UBA6: variants seen among roughly 807,000 people sequenced by gnomAD.
The protein encoded by UBA6 is ubiquitin-like modifier-activating enzyme 6.
Under a neutral mutation model 148.3 loss-of-function variants are expected in UBA6, and 87 were observed. That is an observed-to-expected ratio of 0.59 (90% CI 0.49 to 0.70). The LOEUF (loss-of-function observed/expected upper bound fraction) is 0.70. UBA6 is among the 30% of genes least tolerant of loss of function. The probability of loss-of-function intolerance (pLI) is 0.00; values close to 1 mark genes in which losing one functional copy is unlikely to be tolerated. For missense variants in UBA6, 1,186 were observed against 1,241.2 expected (o/e 0.96, Z 0.67); for synonymous variants, 376 against 401.0 (o/e 0.94, Z 0.75).
chr4:67,619,897 T>TC (rs1337439633), intron 32 of UBA6, among the ~76,000 whole-genome samples: 2 of 152,082 alleles, frequency 1.3e-5, no homozygotes, highest in Admixed American at 1.3e-4. Context: ...TAGCTAGCTT[T>TC]CTCTAGTCTC....
intron 2 of UBA6, among the ~76,000 whole-genome samples, chr4:67,685,631 T>G (rs994787703): frequency 6.6e-6 from 1 of 152,212 alleles, no homozygotes. Context: ...TAAACCCCGT[T>G]ACGTAGGACC....
chr4:67,678,977 AT>A (rs1308169304), intron 4 of UBA6, among the ~76,000 whole-genome samples: 1 of 152,174 alleles, frequency 6.6e-6, no homozygotes, highest in Non-Finnish European at 1.5e-5. Flanking sequence ...ATAGCACACT[AT>A]TTGTAAGAGC....
chr4:67,644,912 C>T, intron 16 of UBA6, 134 bp from the exon 17 acceptor site: 1 of 518,446 alleles, frequency 1.9e-6, no homozygotes. Flanking sequence ...TAAGGAAAAG[C>T]ATAATTGTAC....
At chr4:67,666,255 T>C (rs1175816755) in intron 9 of UBA6, among the ~76,000 whole-genome samples, 3 of 152,024 alleles carry the variant, frequency 2.0e-5, no homozygotes, top group Admixed American at 6.6e-5. Flanking sequence ...TAGGTAGCTA[T>C]AAAAGAAAAT....
intron 14 of UBA6, among the ~76,000 whole-genome samples, chr4:67,648,254 G>C (rs1305532174): frequency 2.0e-5 from 3 of 151,454 alleles, no homozygotes; most frequent in African/African-American, 7.3e-5. Context: ...GGATCACGAA[G>C]TCAGGAGTTT....
chr4:67,685,633 C>CGTAG (rs1189889943), intron 2 of UBA6, among the ~76,000 whole-genome samples: 1 of 152,142 alleles, frequency 6.6e-6, no homozygotes, highest in Non-Finnish European at 1.5e-5. Context: ...AACCCCGTTA[C>CGTAG]GTAGGACCTA....
At chr4:67,620,622 T>C (rs189111159) in intron 32 of UBA6, among the ~76,000 whole-genome samples, 3 of 152,232 alleles carry the variant, frequency 2.0e-5, no homozygotes, top group Admixed American at 2.0e-4. Context: ...GGGAAGGAAC[T>C]TAGAAGGATA....
At chr4:67,625,307 G>A in intron 28 of UBA6, 120 bp from the exon 29 acceptor site, 4 of 740,880 alleles carry the variant, frequency 5.4e-6, no homozygotes, top group South Asian at 4.0e-5. Context: ...TAATGACTGA[G>A]AAACATAAGA....
chr4:67,677,577 G>T, intron 6 of UBA6, 34 bp downstream of exon 6: 1 of 1,142,586 alleles, frequency 8.8e-7, no homozygotes, highest in Non-Finnish European at 1.3e-6. Context: ...CCTGGAACCT[G>T]TCAATAACAT....
At chr4:67,696,619 A>G in intron 2 of UBA6, 26 bp downstream of exon 2, 1 of 1,560,726 alleles carries the variant, frequency 6.4e-7, no homozygotes, top group Non-Finnish European at 8.7e-7. Context: ...GGGGAAAATA[A>G]GTTTCAGTTT....
intron 13 of UBA6, among the ~76,000 whole-genome samples, chr4:67,656,942 G>A (rs1370307522): frequency 2.0e-5 from 3 of 152,098 alleles, no homozygotes; most frequent in Non-Finnish European, 1.5e-5. Context: ...TTGCTACAAA[G>A]AGAATAAAAT....
At chr4:67,694,283 C>CAAA (rs771497060) in intron 2 of UBA6, among the ~76,000 whole-genome samples, 21,658 of 125,132 alleles carry the variant, frequency 0.17, 2,120 homozygotes, top group Middle Eastern at 0.25. Context: ...GATTCAGTCA[C>CAAA]TATAAAAAAA....
chr4:67,636,405 C>A (rs895044811), intron 19 of UBA6, among the ~76,000 whole-genome samples: 1 of 152,168 alleles, frequency 6.6e-6, no homozygotes, highest in Non-Finnish European at 1.5e-5. Context: ...CACGGTCTCC[C>A]TCTCCCTCTC....
intron 19 of UBA6, among the ~76,000 whole-genome samples, chr4:67,637,067 G>A (rs1480901106): frequency 2.0e-5 from 3 of 146,742 alleles, no homozygotes; most frequent in South Asian, 4.5e-4. Context: ...GGTGAGGAGC[G>A]TCTCTGCCCT....
intron 13 of UBA6, among the ~76,000 whole-genome samples, chr4:67,649,596 A>T (rs1729504705): frequency 1.3e-5 from 2 of 152,194 alleles, no homozygotes; most frequent in African/African-American, 2.4e-5. Context: ...ACTATGAAAA[A>T]ACCCTGAACT....
In UBA6 at chr4:67,640,503, G is replaced by C. The variant is rs1319316933; in HGVS notation, c.1554+648C>G. 1.1e-4 allele frequency among the ~76,000 whole-genome samples: 16 copies of C among 152,112 alleles called. 1 individual carries two copies. Among genetic ancestry groups the C allele is most frequent in the South Asian group, 2.1e-4 (1 of 4,818 alleles). ...TAAAACTTTTTTTTAGGGTAGAACT[G>C]GTTTTTCCCTAGGTTGCCCAGGCTG... On this transcript the variant is annotated intron_variant, in intron 18 of 32. Transcript: ENST00000322244.
In UBA6 at chr4:67,630,454, A is replaced by C. The variant is rs1234489379; in HGVS notation, c.2328+12T>G. The C allele has an allele frequency of 6.4e-7, 1 of 1,570,300 alleles. No homozygotes were observed. Among genetic ancestry groups the C allele is most frequent in the Non-Finnish European group, 8.7e-7 (1 of 1,155,976 alleles). On this transcript the variant is annotated intron_variant, in intron 26 of 32. Coordinates refer to ENST00000322244, the MANE Select transcript of UBA6 (RefSeq NM_018227.6). ...TTTTGCATCACTTGCTAAGGCTTAA[A>C]GAATATCTTACCTCTTCTGCAAATG... is the stretch of plus-strand genomic sequence containing the variant.
chr4:67,670,538 C>T lies in UBA6; in HGVS notation c.601G>A (p.Asp201Asn), dbSNP rs373643001. The change falls in exon 8 of 33, where the codon GAT (aspartate) becomes AAT (asparagine). Residue 201 changes from aspartate to asparagine, a missense_variant. Transcript: ENST00000322244. ...IWSRLFCDFG[D>N]EFEVLDTTGE... ...GTTGTATCTAAAACTTCAAATTCATCACCGAAATCACAAAATAACCTTGAC... is the reference window on the plus strand; with the variant it reads ...GTTGTATCTAAAACTTCAAATTCATTACCGAAATCACAAAATAACCTTGAC... 3 of 1,609,044 alleles carry T rather than the reference C, an allele frequency of 1.9e-6. No individual in the cohort carries two copies. Among genetic ancestry groups the T allele is most frequent in the Non-Finnish European group, 2.6e-6 (3 of 1,175,618 alleles).
chr4:67,647,742 T>C (rs1729453218), intron 14 of UBA6, among the ~76,000 whole-genome samples: 1 of 151,666 alleles, frequency 6.6e-6, no homozygotes, highest in Non-Finnish European at 1.5e-5. Flanking sequence ...ACAGAATCTA[T>C]ATTAACAATT....
Sources: gnomAD v4.1 joint callset for allele counts (sites outside exome capture counted in the v4.1 genomes callset) on GRCh38, gnomAD v4.1.1 for gene constraint, MANE v1.5 for transcripts, NCBI Gene and HGNC (gene_info 2026-07-23, HGNC 2026-07-21) for gene names.